Variants in MYO1D observed in about 807,000 individuals in gnomAD.
The protein encoded by MYO1D is unconventional myosin-Id.
MYO1D carries 83 observed loss-of-function variants against 122.0 expected under a neutral mutation model. That is an observed-to-expected ratio of 0.68 (90% CI 0.57 to 0.82). MYO1D has a LOEUF of 0.82. Ranked by LOEUF, MYO1D falls within the 40% of genes least tolerant of loss-of-function variation. The pLI, the probability that MYO1D is intolerant of heterozygous loss-of-function variation, is 0.00. For synonymous variants in MYO1D, 464 were observed against 446.9 expected (o/e 1.04, Z -0.48); for missense variants, 1,157 against 1,269.5 (o/e 0.91, Z 1.35).
At chr17:32,661,203 T>A (rs1275180331) in intron 16 of MYO1D, among the ~76,000 whole-genome samples, 1 of 152,208 alleles carries the variant, frequency 6.6e-6, no homozygotes, top group African/African-American at 2.4e-5. Context: ...GTTGGCTTAT[T>A]TAGGTTTTTA....
At chr17:32,806,102 C>CA (rs372438618) in intron 1 of MYO1D, among the ~76,000 whole-genome samples, 1 of 152,056 alleles carries the variant, frequency 6.6e-6, no homozygotes, top group African/African-American at 2.4e-5. Context: ...ACCAAAAATA[C>CA]AAAAAAATTA....
intron 20 of MYO1D, among the ~76,000 whole-genome samples, chr17:32,621,769 T>C (rs1322441489): frequency 6.6e-6 from 1 of 152,004 alleles, no homozygotes; most frequent in South Asian, 2.1e-4. Context: ...TATTTGGAGG[T>C]GGGGCCTATG....
chr17:32,847,659 C>A (rs1688738337), intron 1 of MYO1D, among the ~76,000 whole-genome samples: 1 of 152,130 alleles, frequency 6.6e-6, no homozygotes. Context: ...GGATTACAGG[C>A]ATGCCCCATC....
intron 16 of MYO1D, among the ~76,000 whole-genome samples, chr17:32,711,375 T>C (rs1357579878): frequency 2.0e-5 from 3 of 152,120 alleles, no homozygotes; most frequent in African/African-American, 4.8e-5. Context: ...CAGCCGGGCG[T>C]GGTGGCTCAC....
intron 21 of MYO1D, among the ~76,000 whole-genome samples, chr17:32,551,942 A>G (rs1225300449): frequency 1.3e-5 from 2 of 152,238 alleles, no homozygotes; most frequent in Admixed American, 1.3e-4. Flanking sequence ...TCCAGTAAAC[A>G]AAAGACCAAA....
In MYO1D at chr17:32,509,407, A is replaced by C. The variant is rs532820394; in HGVS notation, c.2865-14492T>G. 4.9e-4 allele frequency among the ~76,000 whole-genome samples: 75 copies of C among 152,304 alleles called. No individual in the cohort carries two copies. In the Middle Eastern group the frequency reaches 0.01, roughly 21 times the overall value. On this transcript the variant is annotated intron_variant, in intron 21 of 21. Transcript: ENST00000318217. ...AAAAACATTTGGTAGGATGGAAAACATTTGGACTGATGGGCTTTGGAAGCA... is the reference window on the plus strand; with the variant it reads ...AAAAACATTTGGTAGGATGGAAAACCTTTGGACTGATGGGCTTTGGAAGCA...
chr17:32,657,727 C>T (rs2088496769), intron 17 of MYO1D, among the ~76,000 whole-genome samples: 1 of 152,248 alleles, frequency 6.6e-6, no homozygotes, highest in African/African-American at 2.4e-5. Context: ...TCAGTGCCTG[C>T]AACACAGCAG....
intron 21 of MYO1D, chr17:32,513,057 G>A (rs182998812): frequency 1.3e-5 from 2 of 152,334 alleles, no homozygotes; most frequent in East Asian, 1.9e-4. Context: ...TTAACTGTCC[G>A]TCTCCTATAG....
intron 13 of MYO1D, among the ~76,000 whole-genome samples, chr17:32,741,513 T>A (rs2089772201): frequency 6.6e-6 from 1 of 152,186 alleles, no homozygotes; most frequent in African/African-American, 2.4e-5. Context: ...TATTGTGAAA[T>A]GGATTCATCT....
Position 32,704,579 on chromosome 17 carries a change from C to A in MYO1D, c.2121+7409G>T, listed in dbSNP as rs145065706. 3.6e-3 allele frequency among the ~76,000 whole-genome samples: 554 copies of A among 152,248 alleles called. 3 individuals carry two copies. The highest frequency in any genetic ancestry group is 0.012 in the African/African-American group (517 of 41,530). On this transcript the variant is annotated intron_variant, in intron 16 of 21. Transcript: ENST00000318217. ...TGAGAATTTATTCCAACAAAATAAT[C>A]AAGGATATTTAGAAATAGTCAATGG...
chr17:32,788,015 G>A (rs553675910), intron 1 of MYO1D, among the ~76,000 whole-genome samples: 1 of 152,116 alleles, frequency 6.6e-6, no homozygotes, highest in Non-Finnish European at 1.5e-5. Context: ...ATTTAGGTTG[G>A]TTTCATATTT....
intron 1 of MYO1D, among the ~76,000 whole-genome samples, chr17:32,826,048 T>TAAAA (rs5819999): frequency 1.7e-5 from 2 of 119,514 alleles, no homozygotes; most frequent in Admixed American, 8.8e-5. Flanking sequence ...AACTCCATCT[T>TAAAA]AAAAAAAAAA....
chr17:32,659,190 C>T lies in MYO1D; in HGVS notation c.2270G>A (p.Gly757Glu). The change falls in exon 17 of 22, where the codon GGG (glycine) becomes GAG (glutamate). Residue 757 changes from glycine to glutamate, a missense_variant. Coordinates refer to ENST00000318217, the MANE Select transcript of MYO1D (RefSeq NM_015194.3). ...AGGGCTTGGCCACTTCACGTGCTTC[C>T]CGTAGTCTCGCATGGTCTTGACGCC... is the stretch of plus-strand genomic sequence containing the variant. Reference protein sequence around the residue: ...FHGVKTMRDYGKHVKWPSPPK... With the variant: ...FHGVKTMRDYEKHVKWPSPPK... The T allele has an allele frequency of 6.2e-7, 1 of 1,614,174 alleles. No homozygotes were observed. Among genetic ancestry groups the T allele is most frequent in the African/African-American group, 1.3e-5 (1 of 75,028 alleles).
At chr17:32,674,364 T>C (rs1202498165) in intron 16 of MYO1D, among the ~76,000 whole-genome samples, 1 of 152,236 alleles carries the variant, frequency 6.6e-6, no homozygotes, top group African/African-American at 2.4e-5. Context: ...TAAAATGTTA[T>C]TGCAAAGTTT....
At chr17:32,860,219 G>A (rs2091058333) in intron 1 of MYO1D, among the ~76,000 whole-genome samples, 1 of 152,228 alleles carries the variant, frequency 6.6e-6, no homozygotes, top group Non-Finnish European at 1.5e-5. Flanking sequence ...ACAAGTGGAG[G>A]CAGAGTCCTT....
chr17:32,792,797 C>T (rs898112356), intron 1 of MYO1D, among the ~76,000 whole-genome samples: 15 of 151,554 alleles, frequency 9.9e-5, no homozygotes, highest in Admixed American at 9.2e-4. Context: ...TGTACACCAC[C>T]ATGCCTGGCC....
At chr17:32,811,757 G>C (rs1032609171) in intron 1 of MYO1D, among the ~76,000 whole-genome samples, 1 of 150,620 alleles carries the variant, frequency 6.6e-6, no homozygotes, top group Non-Finnish European at 1.5e-5. Flanking sequence ...CTAAGGTAAA[G>C]CTGGGAATTC....
At position 32,778,575 on chromosome 17, in the gene MYO1D, TG is replaced by T. The variant is rs763081778; in HGVS notation, c.305-3del. 17 of 1,611,044 alleles carry T rather than the reference TG, an allele frequency of 1.1e-5. No homozygotes were observed. Among genetic ancestry groups the T allele is most frequent in the Middle Eastern group, 1.7e-4 (1 of 6,048 alleles). On this transcript the variant is annotated splice_polypyrimidine_tract_variant and splice_region_variant and intron_variant, in intron 2 of 21. Coordinates refer to ENST00000318217, the MANE Select transcript of MYO1D (RefSeq NM_015194.3). ...CCGTTTTACCAGCTCCACTTTCCCC[TG>T]GGGGGAAAAATTGTTCAGGGCTTAA...
chr17:32,872,380 CT>C (rs1297501530), intron 1 of MYO1D, among the ~76,000 whole-genome samples: 1 of 151,982 alleles, frequency 6.6e-6, no homozygotes, highest in Non-Finnish European at 1.5e-5. Context: ...TCACGCCATT[CT>C]CCTGCCTCAG....
Sources: gnomAD v4.1 joint callset for allele counts (sites outside exome capture counted in the v4.1 genomes callset) on GRCh38, gnomAD v4.1.1 for gene constraint, MANE v1.5 for transcripts, NCBI Gene and HGNC (gene_info 2026-07-23, HGNC 2026-07-21) for gene names.